Variants in IQGAP3 observed in about 807,000 individuals in gnomAD.
IQGAP3 encodes the protein ras GTPase-activating-like protein IQGAP3.
IQGAP3 carries 165 observed loss-of-function variants against 208.2 expected under a neutral mutation model. The observed-to-expected ratio is 0.79, with a 90% CI of 0.70 to 0.90. The LOEUF (loss-of-function observed/expected upper bound fraction) is 0.90, where lower values mean the gene tolerates loss of function less well. IQGAP3 is among the 40% of genes least tolerant of loss of function. The probability of loss-of-function intolerance (pLI) is 0.00; values close to 1 mark genes in which losing one functional copy is unlikely to be tolerated. For missense variants in IQGAP3, 1,811 were observed against 2,043.1 expected, an observed-to-expected ratio of 0.89 and a Z score of 2.19; for synonymous variants, 703 against 803.6, an observed-to-expected ratio of 0.87 and a Z score of 2.12.
rs938762819 is a variant in IQGAP3 at position 156,528,927 on chromosome 1, G to T, written c.4560C>A (p.Ala1520=). ...AAAGCAGCACCTACTTGGAGTCGGGGGCCAGGTGGTCCAGGCAGGCCCGGA... is the reference window on the plus strand; with the variant it reads ...AAAGCAGCACCTACTTGGAGTCGGGTGCCAGGTGGTCCAGGCAGGCCCGGA... The part of the protein sequence containing the change: ...QYIRACLDHL[A]PDSKSSGKGK... The change falls in exon 35 of 38, where the codon GCC becomes GCA. Residue 1520 remains alanine, a synonymous_variant. Coordinates refer to ENST00000361170, the MANE Select transcript of IQGAP3 (RefSeq NM_178229.5). The T allele has an allele frequency of 1.2e-6, 2 of 1,614,216 alleles. No individual in the cohort carries two copies. Among genetic ancestry groups the T allele is most frequent in the Non-Finnish European group, 1.7e-6 (2 of 1,180,040 alleles).
intron 22 of IQGAP3, among the ~76,000 whole-genome samples, chr1:156,542,604 T>A (rs758062344): frequency 2.6e-5 from 4 of 152,170 alleles, no homozygotes; most frequent in Non-Finnish European, 5.9e-5. Flanking sequence ...AAGATAGGTA[T>A]TAGCATTATG....
chr1:156,526,737 C>A (rs1674085563), intron 37 of IQGAP3, 138 bp from the exon 38 acceptor site: 1 of 621,626 alleles, frequency 1.6e-6, no homozygotes, highest in African/African-American at 1.8e-5. Flanking sequence ...ATTGAAATCC[C>A]ACTTCACAAA....
intron 10 of IQGAP3, 57 bp from the exon 11 acceptor site, chr1:156,561,078 T>C: frequency 7.7e-7 from 1 of 1,298,996 alleles, no homozygotes; most frequent in Non-Finnish European, 1.1e-6. Context: ...TGACCATGCT[T>C]TACGAGTTGC....
At chr1:156,533,462 T>G (rs1322222093) in intron 31 of IQGAP3, among the ~76,000 whole-genome samples, 2 of 152,140 alleles carry the variant, frequency 1.3e-5, no homozygotes, top group African/African-American at 4.8e-5. Context: ...TAAGTTGGCT[T>G]CCTCCTATTC....
At chr1:156,538,568 A>AT (rs1433843557) in intron 26 of IQGAP3, among the ~76,000 whole-genome samples, 1 of 152,338 alleles carries the variant, frequency 6.6e-6, no homozygotes, top group African/African-American at 2.4e-5. Context: ...ATCTGTACTC[A>AT]TTTTATGTTA....
chr1:156,564,250 G>A (rs536736596), intron 5 of IQGAP3, among the ~76,000 whole-genome samples: 1 of 152,188 alleles, frequency 6.6e-6, no homozygotes, highest in African/African-American at 2.4e-5. Context: ...GGTTGCTGAT[G>A]GCTGGCTGTA....
intron 19 of IQGAP3, among the ~76,000 whole-genome samples, chr1:156,546,921 C>G (rs564288555): frequency 3.5e-4 from 54 of 152,304 alleles, no homozygotes; most frequent in Middle Eastern, 6.8e-3. Context: ...CAAGTGTACT[C>G]CAATTTCTGT....
At chr1:156,547,394 C>CACAG (rs1553225650) in intron 19 of IQGAP3, among the ~76,000 whole-genome samples, 1 of 120,306 alleles carries the variant, frequency 8.3e-6, no homozygotes, top group Non-Finnish European at 1.7e-5. Context: ...CACAGACACA[C>CACAG]ACACACACAC....
At chr1:156,553,133 AC>A (rs1478404948) in intron 13 of IQGAP3, among the ~76,000 whole-genome samples, 1 of 152,074 alleles carries the variant, frequency 6.6e-6, no homozygotes, top group Non-Finnish European at 1.5e-5. Context: ...CTGTGATTGC[AC>A]CACTGCACTC....
intron 24 of IQGAP3, 27 bp downstream of exon 24, chr1:156,539,811 C>T: frequency 1.2e-6 from 2 of 1,613,732 alleles, no homozygotes; most frequent in South Asian, 2.2e-5. Context: ...ACGGGAGAGA[C>T]TTCTCCTTGG....
chr1:156,530,986 G>T (rs903775173), intron 33 of IQGAP3, among the ~76,000 whole-genome samples, 174 bp downstream of exon 33: 1 of 152,212 alleles, frequency 6.6e-6, no homozygotes, highest in Non-Finnish European at 1.5e-5. Context: ...GCTTCCCAAG[G>T]CTAAAGCTGT....
Position 156,551,725 on chromosome 1 carries a change from C to G in IQGAP3, c.1714G>C (p.Ala572Pro). ...APRYHLLLVAAKRQKAQVTGD... is the reference protein window; with the variant it reads ...APRYHLLLVAPKRQKAQVTGD... ...TTCACCTGGGCCTTCTGCCTTTTGG[C>G]TGCCACAAGGAGGAGATGGTACCGA... Residue 572 changes from alanine (A) to proline (P), a missense_variant, in exon 15 of 38, where the codon GCC becomes CCC. Ala to Pro is a conservative substitution (Grantham distance 27). Coordinates refer to ENST00000361170, the MANE Select transcript of IQGAP3 (RefSeq NM_178229.5). 6.2e-7 allele frequency: 1 copy of G among 1,611,528 alleles called. No homozygotes were observed. The highest frequency in any genetic ancestry group is 1.1e-5 in the South Asian group (1 of 90,774).
rs1674186694 is a variant in IQGAP3, at chr1:156,528,028, C to T, written c.4706G>A (p.Gly1569Glu). The change falls in exon 37 of 38, where the codon GGA (glycine) becomes GAA (glutamate). Residue 1569 changes from glycine (G) to glutamate (E), a missense_variant. Physicochemically the swap from Gly to Glu is moderately conservative, Grantham distance 98. Coordinates refer to ENST00000361170, the MANE Select transcript of IQGAP3 (RefSeq NM_178229.5). ...TACTTCAAACTTTCCTGCCTCATCTCCCGGCGTGATGTCAAAGATGACGTT... is the reference window on the plus strand; with the variant it reads ...TACTTCAAACTTTCCTGCCTCATCTTCCGGCGTGATGTCAAAGATGACGTT... ...FRNVIFDITP[G>E]DEAGKFEVNA... 1.9e-6 allele frequency: 3 copies of T among 1,613,998 alleles called. No individual in the cohort carries two copies. Among genetic ancestry groups the T allele is most frequent in the Non-Finnish European group, 2.5e-6 (3 of 1,180,004 alleles).
chr1:156,567,208 AC>A (rs1282681695), intron 2 of IQGAP3, among the ~76,000 whole-genome samples: 1 of 152,140 alleles, frequency 6.6e-6, no homozygotes, highest in African/African-American at 2.4e-5. Flanking sequence ...GAACGTGCTC[AC>A]TTCTTTCATT....
intron 11 of IQGAP3, among the ~76,000 whole-genome samples, chr1:156,559,659 A>C (rs1415100580): frequency 2.0e-5 from 3 of 152,230 alleles, no homozygotes; most frequent in African/African-American, 7.2e-5. Context: ...GCTCATCAAC[A>C]GGTGAGAATG....
intron 11 of IQGAP3, 81 bp downstream of exon 11, chr1:156,560,853 A>G: frequency 7.0e-6 from 7 of 1,000,822 alleles, no homozygotes; most frequent in Non-Finnish European, 1.1e-5. Flanking sequence ...TGCCCAATAC[A>G]GAAGCCAGCA....
chr1:156,557,573 G>C (rs1675898346), intron 11 of IQGAP3, among the ~76,000 whole-genome samples: 1 of 82,744 alleles, frequency 1.2e-5, no homozygotes, highest in African/African-American at 3.8e-5. Flanking sequence ...GGGGGGGTCA[G>C]CCCCCCGCCC....
chr1:156,526,560 T>G lies in IQGAP3; in HGVS notation c.4822A>C (p.Lys1608Gln). 1 of 1,614,140 alleles carries G rather than the reference T, an allele frequency of 6.2e-7. No individual in the cohort carries two copies. Among genetic ancestry groups the G allele is most frequent in the Non-Finnish European group, 8.5e-7 (1 of 1,179,982 alleles). ...TTGACTTTGGCCTTGTTGAAGAGTT[T>G]CATGACAGCCACACCCTCATACTGG... is the stretch of plus-strand genomic sequence containing the variant. ...QLQYEGVAVM[K>Q]LFNKAKVNVN... Residue 1608 changes from lysine (K) to glutamine (Q), a missense_variant, in exon 38 of 38, where the codon AAA (lysine) becomes CAA (glutamine). By Grantham distance (53) the Lys-to-Gln change is moderately conservative. Coordinates refer to ENST00000361170, the MANE Select transcript of IQGAP3 (RefSeq NM_178229.5).
At chr1:156,569,558 G>A (rs1040727021) in intron 1 of IQGAP3, 95 bp from the exon 2 acceptor site, 3 of 477,994 alleles carry the variant, frequency 6.3e-6, no homozygotes, top group South Asian at 3.3e-5. Flanking sequence ...TTTTTGAGAC[G>A]CCCAGGCTGG....
Sources: allele counts gnomAD v4.1 joint callset (sites outside exome capture counted in the v4.1 genomes callset), GRCh38; gene constraint gnomAD v4.1.1; transcripts MANE v1.5; gene names NCBI Gene and HGNC (gene_info 2026-07-23, HGNC 2026-07-21).